The following MEGF9 variants were observed in gnomAD, a reference collection of about 807,000 sequenced individuals.
MEGF9 encodes the protein multiple epidermal growth factor-like domains protein 9.
A neutral mutation model predicts 46.8 loss-of-function variants in MEGF9; 6 were observed. That is an observed-to-expected ratio of 0.13 (90% CI 0.07 to 0.25). MEGF9 has a LOEUF of 0.25. Ranked by LOEUF, MEGF9 falls within the 10% of genes least tolerant of loss-of-function variation. The probability of loss-of-function intolerance (pLI) is 1.00; values close to 1 mark genes in which losing one functional copy is unlikely to be tolerated. For synonymous variants in MEGF9, 302 were observed against 330.7 expected (o/e 0.91, Z 0.94); for missense variants, 683 against 792.4 (o/e 0.86, Z 1.66).
chr9:120,605,151 A>C lies in MEGF9; in HGVS notation c.*39T>G. 6.4e-7 allele frequency: 1 copy of C among 1,561,398 alleles called. No homozygotes were observed. Among genetic ancestry groups the C allele is most frequent in the Non-Finnish European group, 8.7e-7 (1 of 1,151,832 alleles). On this transcript the variant is annotated 3_prime_UTR_variant, in exon 6 of 6. Transcript: ENST00000373930. This position sits in a 1 kb window ranked among gnomAD's most constrained non-coding sequence, Gnocchi z 4.0. The stretch of plus-strand genomic sequence containing the variant: ...GCCCAGGGGCTGACTCTGTCTTAGC[A>C]AGCACTGTGGTTTAACAATTCAGAA...
intron 2 of MEGF9, among the ~76,000 whole-genome samples, chr9:120,658,090 T>A (rs2132322019): frequency 6.6e-6 from 1 of 152,184 alleles, no homozygotes; most frequent in Middle Eastern, 3.4e-3. Flanking sequence ...GTTCAACCGA[T>A]TCTCCTGCCT....
At position 120,604,782 on chromosome 9, in the gene MEGF9, T is replaced by A. The variant is rs796955568; in HGVS notation, c.*408A>T. ...ACGAATATAATCCCTGACACTGTTT[T>A]AAAAAAAATGTTTCAGGAATGGAGA... On this transcript the variant is annotated 3_prime_UTR_variant, in exon 6 of 6. Transcript: ENST00000373930. 46 of 188,298 alleles carry A rather than the reference T, an allele frequency of 2.4e-4. No homozygotes were observed. The highest frequency in any genetic ancestry group is 9.9e-4 in the African/African-American group (42 of 42,524). 11.7% of individuals were successfully genotyped at this position (188,298 alleles called of 1,614,324 possible).
chr9:120,713,964 C>T lies in MEGF9; in HGVS notation c.395G>A (p.Arg132His). Residue 132 changes from arginine to histidine, a missense_variant, in exon 1 of 6, where the codon CGC becomes CAC. Coordinates refer to ENST00000373930, the MANE Select transcript of MEGF9 (RefSeq NM_001080497.3). ...CGGCGCCTGAGAGGTGGTCGAAGTG[C>T]GTTCCGCCGCCGGAGGGGTGGTCGG... ...PSPTTPPAAE[R>H]TSTTSQAPTR... The T allele has an allele frequency of 7.2e-7, 1 of 1,380,036 alleles. No individual in the cohort carries two copies. The highest frequency in any genetic ancestry group is 9.4e-7 in the Non-Finnish European group (1 of 1,062,792). The allele number at this position is 1,380,036 out of a possible 1,614,324, so 85.5% of individuals were successfully genotyped here.
intron 1 of MEGF9, among the ~76,000 whole-genome samples, chr9:120,685,027 G>A (rs1268683455): frequency 6.6e-6 from 1 of 152,084 alleles, no homozygotes; most frequent in African/African-American, 2.4e-5. Context: ...GTAGAGACAG[G>A]ATTTCACCGT....
At chr9:120,686,067 G>C (rs927778851) in intron 1 of MEGF9, among the ~76,000 whole-genome samples, 1 of 151,882 alleles carries the variant, frequency 6.6e-6, no homozygotes, top group Non-Finnish European at 1.5e-5. Flanking sequence ...TTGGGGGAAG[G>C]GGAAAAGGGA....
chr9:120,603,760 C>T lies in MEGF9; in HGVS notation c.*1430G>A, dbSNP rs146531576. ...AAAAAGCAAGAACTAACTAGACACA[C>T]CCATCTACAAAGCTGCTCATTAACC... is the stretch of plus-strand genomic sequence containing the variant. On this transcript the variant is annotated 3_prime_UTR_variant, in exon 6 of 6. Transcript: ENST00000373930. The T allele has an allele frequency of 2.5e-3, 374 of 152,636 alleles. 2 individuals are homozygous for T. The highest frequency in any genetic ancestry group is 2.2e-3 in the Non-Finnish European group (147 of 68,038). The allele number at this position is 152,636 out of a possible 1,614,324, so 9.5% of individuals were successfully genotyped here. A position where few individuals can be genotyped will look rare whatever the true frequency, so the allele number is the denominator to read the frequency against.
Position 120,600,979 on chromosome 9 carries a change from ATTCT to A in MEGF9, c.*4207_*4210del, listed in dbSNP as rs2043393108. On this transcript the variant is annotated 3_prime_UTR_variant, in exon 6 of 6. Coordinates refer to ENST00000373930, the MANE Select transcript of MEGF9 (RefSeq NM_001080497.3). ...AATTTTAAATAACACTCTTGTATAAATTCTTTCATATATTCAAATCATACACAAA... is the reference window on the plus strand; with the variant it reads ...AATTTTAAATAACACTCTTGTATAAATTCATATATTCAAATCATACACAAA... 1 of 152,654 alleles carries A rather than the reference ATTCT, an allele frequency of 6.6e-6. No homozygotes were observed. The highest frequency in any genetic ancestry group is 1.5e-5 in the Non-Finnish European group (1 of 68,042). The allele number at this position is 152,654 out of a possible 1,614,324, so 9.5% of individuals were successfully genotyped here.
chr9:120,655,812 T>C (rs965281988), intron 2 of MEGF9, among the ~76,000 whole-genome samples: 3 of 152,200 alleles, frequency 2.0e-5, no homozygotes, highest in Non-Finnish European at 4.4e-5. Context: ...TGGCTACAAG[T>C]AGTAACATGC....
chr9:120,606,154 G>A (rs1359999573), intron 5 of MEGF9, among the ~76,000 whole-genome samples: 1 of 145,590 alleles, frequency 6.9e-6, no homozygotes, highest in African/African-American at 2.6e-5. Context: ...CTCGGTGACA[G>A]AGCGAGACTC....
intron 2 of MEGF9, among the ~76,000 whole-genome samples, chr9:120,636,891 A>G (rs969856164): frequency 1.3e-5 from 2 of 151,466 alleles, no homozygotes; most frequent in East Asian, 3.9e-4. Context: ...ACGTCTGGGA[A>G]GTGAGGAGCC....
At chr9:120,696,005 G>C (rs2043875267) in intron 1 of MEGF9, among the ~76,000 whole-genome samples, 1 of 152,170 alleles carries the variant, frequency 6.6e-6, no homozygotes, top group Non-Finnish European at 1.5e-5. Flanking sequence ...TCTCTCTGGT[G>C]GCAAACAGGG....
intron 3 of MEGF9, among the ~76,000 whole-genome samples, chr9:120,622,014 A>G (rs947225282): frequency 1.6e-4 from 24 of 152,174 alleles, no homozygotes; most frequent in African/African-American, 5.8e-4. Flanking sequence ...AGACATCTTG[A>G]GGGGGAGATA....
intron 3 of MEGF9, 47 bp from the exon 4 acceptor site, chr9:120,612,586 G>A: frequency 6.5e-7 from 1 of 1,527,512 alleles, no homozygotes; most frequent in Non-Finnish European, 8.8e-7. Context: ...TACCTTGAAA[G>A]CCAAGTAACT....
At chr9:120,713,344 G>A (rs2043961535) in intron 1 of MEGF9, among the ~76,000 whole-genome samples, 1 of 152,176 alleles carries the variant, frequency 6.6e-6, no homozygotes, top group Admixed American at 6.5e-5. Context: ...TGGAGCTTTG[G>A]GAGGAATTCC....
chr9:120,607,685 A>G (rs2043425652), intron 5 of MEGF9, 56 bp downstream of exon 5: 2 of 1,578,274 alleles, frequency 1.3e-6, no homozygotes, highest in Non-Finnish European at 1.7e-6. Flanking sequence ...AAAGCCTTCC[A>G]TTTTTCACTG....
chr9:120,670,695 C>G (rs556352578), intron 1 of MEGF9, among the ~76,000 whole-genome samples: 15 of 152,258 alleles, frequency 9.9e-5, no homozygotes, highest in African/African-American at 2.4e-4. Context: ...ATTTAACCTT[C>G]CCTCCAGTTT....
At chr9:120,669,266 T>C (rs2043738473) in intron 1 of MEGF9, among the ~76,000 whole-genome samples, 1 of 152,180 alleles carries the variant, frequency 6.6e-6, no homozygotes, top group African/African-American at 2.4e-5. Context: ...TTTTCTCATA[T>C]TTCTCCACAT....
Position 120,714,323 on chromosome 9 carries a change from CA to C in MEGF9, c.35del (p.Leu12ArgfsTer149). ...ACAGGGCGAGGCCGCCCAGGCTCGG[CA>C]GGCTCCTCATGGCGCGCTCGGCTCC... ...NGGAERAMRS[L>X]PSLGGLALLC... On this transcript the variant is annotated frameshift_variant, in exon 1 of 6. Transcript: ENST00000373930. LOFTEE classifies it high-confidence loss of function. 1 of 1,350,084 alleles carries C rather than the reference CA, an allele frequency of 7.4e-7. No homozygotes were observed. The highest frequency in any genetic ancestry group is 9.5e-7 in the Non-Finnish European group (1 of 1,049,556). The allele number at this position is 1,350,084 out of a possible 1,614,324, so 83.6% of individuals were successfully genotyped here.
In MEGF9 at chr9:120,707,244, C is replaced by T. The variant is rs565259203; in HGVS notation, c.601+6514G>A. Among the ~76,000 whole-genome samples, 5 of 152,176 alleles carry T rather than the reference C, an allele frequency of 3.3e-5. No individual in the cohort carries two copies. The East Asian group carries it at 9.6e-4, about 29-fold the overall frequency. Reference sequence around the variant, plus strand: ...ATTACTATTATAGTAGTCCACAATCCCTCAAATCTGATGCTCAATACCAGA... The same window carrying T: ...ATTACTATTATAGTAGTCCACAATCTCTCAAATCTGATGCTCAATACCAGA... On this transcript the variant is annotated intron_variant, in intron 1 of 5. Transcript: ENST00000373930.
Sources: gnomAD v4.1 joint callset for allele counts (sites outside exome capture counted in the v4.1 genomes callset) on GRCh38, gnomAD v4.1.1 for gene constraint, Gnocchi (gnomAD v3.1) non-coding constraint, MANE v1.5 for transcripts, NCBI Gene and HGNC (gene_info 2026-07-23, HGNC 2026-07-21) for gene names.